The following GPC5 variants were observed in gnomAD, a reference collection of about 807,000 sequenced individuals.
GPC5 encodes the protein glypican-5.
A neutral mutation model predicts 53.9 loss-of-function variants in GPC5; 47 were observed. That is an observed-to-expected ratio of 0.87 (90% CI 0.69 to 1.11). The LOEUF is 1.11. GPC5 is among the 50% of genes most tolerant of loss of function. The probability of loss-of-function intolerance (pLI) is 0.00; values close to 1 mark genes in which losing one functional copy is unlikely to be tolerated. For synonymous variants in GPC5, 286 were observed against 263.3 expected, an observed-to-expected ratio of 1.09 and a Z score of -0.84; for missense variants, 748 against 713.1, an observed-to-expected ratio of 1.05 and a Z score of -0.56.
At chr13:91,754,387 G>A (rs1327566059) in intron 4 of GPC5, among the ~76,000 whole-genome samples, 8 of 152,116 alleles carry the variant, frequency 5.3e-5, no homozygotes, top group Non-Finnish European at 1.0e-4. Flanking sequence ...CAGTATAGCC[G>A]TGGGAAAGAG....
In GPC5 at chr13:92,681,944, A is replaced by G. The variant is rs1887123100; in HGVS notation, c.1562-184338A>G. On this transcript the variant is annotated intron_variant, in intron 7 of 7. Transcript: ENST00000377067. ...TCACAGTTCATTAGGCAGTCTTCAA[A>G]TGTCCAGTATGACAGTGCAAGATAT... Among the ~76,000 whole-genome samples, 7 of 152,302 alleles carry G rather than the reference A, an allele frequency of 4.6e-5. No individual in the cohort carries two copies. In the South Asian group the frequency reaches 1.5e-3, roughly 32 times the overall value.
chr13:92,740,388 T>G (rs1381366362), intron 7 of GPC5, among the ~76,000 whole-genome samples: 1 of 152,140 alleles, frequency 6.6e-6, no homozygotes, highest in Non-Finnish European at 1.5e-5. Context: ...GTCTCTCTCA[T>G]GCACTTTACA....
Position 92,457,880 on chromosome 13 carries a change from G to C in GPC5, c.1561+312891G>C, listed in dbSNP as rs527945523. 4.6e-5 allele frequency among the ~76,000 whole-genome samples: 7 copies of C among 152,240 alleles called. No homozygotes were observed. The South Asian group carries it at 1.4e-3, about 32-fold the overall frequency. On this transcript the variant is annotated intron_variant, in intron 7 of 7. Coordinates refer to ENST00000377067, the MANE Select transcript of GPC5 (RefSeq NM_004466.6). ...TAGAGGAGCATTTTCTTCTGATGAA[G>C]TGTTGCCTGTCCTTACACTATTCCA...
At chr13:92,126,273 T>C (rs1244216224) in intron 6 of GPC5, among the ~76,000 whole-genome samples, 1 of 152,086 alleles carries the variant, frequency 6.6e-6, no homozygotes, top group Non-Finnish European at 1.5e-5. Context: ...ATCAGAAATA[T>C]AAAGTCAATA....
chr13:92,590,721 C>T (rs56106244), intron 7 of GPC5, among the ~76,000 whole-genome samples: 43,851 of 152,058 alleles, frequency 0.29, 6,563 homozygotes, highest in Middle Eastern at 0.37. Flanking sequence ...TGTTGCTCTC[C>T]GAAACAGACA....
chr13:91,483,704 A>T (rs1484072711), intron 2 of GPC5, among the ~76,000 whole-genome samples: 1 of 152,234 alleles, frequency 6.6e-6, no homozygotes, highest in Non-Finnish European at 1.5e-5. Flanking sequence ...GTGGCAAACA[A>T]TACAGATTAT....
At chr13:92,110,522 C>G (rs1045835807) in intron 6 of GPC5, among the ~76,000 whole-genome samples, 3 of 150,214 alleles carry the variant, frequency 2.0e-5, no homozygotes, top group African/African-American at 7.4e-5. Flanking sequence ...AAAACTTTCT[C>G]TAAAGGAAAA....
chr13:91,889,874 T>C (rs149444777), intron 5 of GPC5, among the ~76,000 whole-genome samples: 1 of 152,258 alleles, frequency 6.6e-6, no homozygotes, highest in Non-Finnish European at 1.5e-5. Flanking sequence ...ACAACAATGA[T>C]AAGTGCATCC....
chr13:91,963,297 T>C (rs906154594), intron 6 of GPC5, among the ~76,000 whole-genome samples: 4 of 152,202 alleles, frequency 2.6e-5, no homozygotes, highest in African/African-American at 7.2e-5. Context: ...TGACAAAGTT[T>C]AGGTAAGTAT....
chr13:91,825,573 A>G (rs564650767), intron 5 of GPC5, among the ~76,000 whole-genome samples: 2 of 152,264 alleles, frequency 1.3e-5, no homozygotes, highest in Non-Finnish European at 2.9e-5. Flanking sequence ...GAAAATATAG[A>G]ACAGCTATGT....
chr13:91,997,604 C>T (rs769827288), intron 6 of GPC5, among the ~76,000 whole-genome samples: 18 of 152,098 alleles, frequency 1.2e-4, no homozygotes, highest in Non-Finnish European at 2.2e-4. Flanking sequence ...CTGCAACCTC[C>T]GCCTCCCAGG....
chr13:91,441,580 G>A (rs982909488), intron 1 of GPC5, among the ~76,000 whole-genome samples: 1 of 152,240 alleles, frequency 6.6e-6, no homozygotes, highest in South Asian at 2.1e-4. Flanking sequence ...TGCTTTCCTG[G>A]GACCTTTGCT....
At chr13:92,834,522 C>A (rs1278405056) in intron 7 of GPC5, among the ~76,000 whole-genome samples, 3 of 152,058 alleles carry the variant, frequency 2.0e-5, no homozygotes, top group African/African-American at 7.2e-5. Context: ...TACTTTCCCA[C>A]AGAGTCAAAG....
At chr13:92,311,733 T>G (rs2139210751) in intron 7 of GPC5, among the ~76,000 whole-genome samples, 1 of 152,276 alleles carries the variant, frequency 6.6e-6, no homozygotes, top group South Asian at 2.1e-4. Flanking sequence ...ACCCCTATGA[T>G]TCAGTTACCT....
intron 5 of GPC5, among the ~76,000 whole-genome samples, chr13:91,823,427 G>A (rs2038527222): frequency 1.3e-5 from 2 of 151,998 alleles, no homozygotes; most frequent in African/African-American, 4.8e-5. Context: ...GACTCCTCAT[G>A]ACCAATCATA....
intron 6 of GPC5, among the ~76,000 whole-genome samples, chr13:91,992,896 C>T (rs1048304016): frequency 3.3e-5 from 5 of 152,126 alleles, no homozygotes; most frequent in African/African-American, 1.2e-4. Context: ...GGAACTGTTT[C>T]ATTCATGGTC....
At chr13:92,826,828 T>A (rs2138816283) in intron 7 of GPC5, among the ~76,000 whole-genome samples, 1 of 152,254 alleles carries the variant, frequency 6.6e-6, no homozygotes, top group East Asian at 1.9e-4. Context: ...TTACTTTGAG[T>A]TTCTTCTTCT....
chr13:91,682,098 A>G (rs1594423370), intron 2 of GPC5, among the ~76,000 whole-genome samples: 1 of 152,296 alleles, frequency 6.6e-6, no homozygotes, highest in Non-Finnish European at 1.5e-5. Context: ...AGGCTCTGCT[A>G]CTTTCTGTAT....
chr13:91,922,879 G>C (rs1426130887), intron 6 of GPC5, among the ~76,000 whole-genome samples: 2 of 5,504 alleles, frequency 3.6e-4, no homozygotes, highest in Non-Finnish European at 5.5e-4. Flanking sequence ...GAATTTGGCA[G>C]ATCTTACTCC....
Sources: allele counts gnomAD v4.1 joint callset (sites outside exome capture counted in the v4.1 genomes callset), GRCh38; gene constraint gnomAD v4.1.1; transcripts MANE v1.5; gene names NCBI Gene and HGNC (gene_info 2026-07-23, HGNC 2026-07-21).